PLA2G5: variants seen among roughly 807,000 people sequenced by gnomAD.
PLA2G5 encodes Ca2+-dependent phospholipase A2.
Under a neutral mutation model 15.9 loss-of-function variants are expected in PLA2G5, and 12 were observed. The observed-to-expected ratio is 0.76, with a 90% CI of 0.48 to 1.23. PLA2G5 has a LOEUF of 1.23. PLA2G5 is among the 50% of genes most tolerant of loss of function. The pLI, the probability that PLA2G5 is intolerant of heterozygous loss-of-function variation, is 0.00. For missense variants in PLA2G5, 169 were observed against 177.1 expected (o/e 0.95, Z 0.26); for synonymous variants, 71 against 71.4 (o/e 0.99, Z 0.03).
intron 1 of PLA2G5, among the ~76,000 whole-genome samples, chr1:20,075,756 C>T (rs1026524438): frequency 6.6e-6 from 1 of 152,136 alleles, no homozygotes; most frequent in African/African-American, 2.4e-5. Context: ...TCTATGGGGG[C>T]AGCTACTTCT....
chr1:20,077,495 G>A (rs1019414888), intron 1 of PLA2G5, among the ~76,000 whole-genome samples: 2 of 152,188 alleles, frequency 1.3e-5, no homozygotes, highest in African/African-American at 4.8e-5. Flanking sequence ...CCTACTATGT[G>A]CCAAGTGTTG....
chr1:20,088,147 C>T (rs1427138692), intron 3 of PLA2G5, among the ~76,000 whole-genome samples: 4 of 152,152 alleles, frequency 2.6e-5, no homozygotes, highest in African/African-American at 4.8e-5. Flanking sequence ...GACCTGAGGT[C>T]GGGAGTTTGA....
chr1:20,030,637 C>T (rs977421801), intron 1 of PLA2G5, among the ~76,000 whole-genome samples: 1 of 152,134 alleles, frequency 6.6e-6, no homozygotes, highest in Admixed American at 6.5e-5. Flanking sequence ...TTTCCCTTCC[C>T]ATGAGGCCAT....
chr1:20,070,430 G>A lies in PLA2G5; in HGVS notation c.-46G>A. ...CCCAAGGAAGTTGCTCATGGGAGCA[G>A]ACCTCTAGAGCAGGATTTGAGGCCA... On this transcript the variant is annotated 5_prime_UTR_variant, in exon 1 of 5. Coordinates refer to ENST00000375108, the MANE Select transcript of PLA2G5 (RefSeq NM_000929.3). 2 of 985,500 alleles carry A rather than the reference G, an allele frequency of 2.0e-6. No individual in the cohort carries two copies. Among genetic ancestry groups the A allele is most frequent in the South Asian group, 9.4e-5 (2 of 21,294 alleles). 61.0% of individuals were successfully genotyped at this position (985,500 alleles called of 1,614,324 possible). A position where few individuals can be genotyped will look rare whatever the true frequency, so the allele number is the denominator to read the frequency against.
intron 1 of PLA2G5, among the ~76,000 whole-genome samples, chr1:20,036,786 C>T (rs1208280361): frequency 6.6e-6 from 1 of 152,166 alleles, no homozygotes; most frequent in Non-Finnish European, 1.5e-5. Flanking sequence ...CTGCCTCAGC[C>T]TCTGGAGTAG....
intron 1 of PLA2G5, among the ~76,000 whole-genome samples, chr1:20,080,676 T>C (rs1044775970): frequency 3.9e-5 from 6 of 152,042 alleles, no homozygotes; most frequent in Non-Finnish European, 5.9e-5. Context: ...GCTTCCTGTG[T>C]GACTTACCAG....
At chr1:20,036,995 C>A (rs1159467352) in intron 1 of PLA2G5, among the ~76,000 whole-genome samples, 1 of 152,192 alleles carries the variant, frequency 6.6e-6, no homozygotes, top group Non-Finnish European at 1.5e-5. Context: ...TGGTTTTCAC[C>A]TTTCTCTGGT....
At chr1:20,039,171 G>A (rs946869918) in intron 1 of PLA2G5, among the ~76,000 whole-genome samples, 3 of 152,184 alleles carry the variant, frequency 2.0e-5, no homozygotes, top group African/African-American at 4.8e-5. Context: ...TCTTGTGACC[G>A]GAGGCCTGAA....
chr1:20,068,735 GC>G (rs2015184623), upstream of PLA2G5: 1 of 321,146 alleles, frequency 3.1e-6, no homozygotes, highest in African/African-American at 2.2e-5. Context: ...ACAGGAGTGA[GC>G]CCCCACGCCC....
intron 1 of PLA2G5, among the ~76,000 whole-genome samples, chr1:20,035,924 G>T (rs1229231748): frequency 6.6e-6 from 1 of 152,134 alleles, no homozygotes; most frequent in Non-Finnish European, 1.5e-5. Flanking sequence ...TTCTTGTAGT[G>T]CTGGCTTGGT....
chr1:20,049,808 A>G (rs1361036042), intron 1 of PLA2G5, among the ~76,000 whole-genome samples: 1 of 152,184 alleles, frequency 6.6e-6, no homozygotes, highest in African/African-American at 2.4e-5. Flanking sequence ...AGATGAATAC[A>G]AACCCAAAGT....
intron 1 of PLA2G5, among the ~76,000 whole-genome samples, chr1:20,079,524 T>A (rs909937759): frequency 3.9e-5 from 6 of 152,170 alleles, no homozygotes; most frequent in Non-Finnish European, 8.8e-5. Context: ...ATTTATTCAT[T>A]AATAGAGACA....
chr1:20,033,656 G>GTA (rs2013091089), intron 1 of PLA2G5, among the ~76,000 whole-genome samples: 1 of 152,144 alleles, frequency 6.6e-6, no homozygotes, highest in Non-Finnish European at 1.5e-5. Context: ...AGTTTGTGGG[G>GTA]TGTTGCTGTA....
At chr1:20,067,947 C>A (rs540267969), upstream of PLA2G5, among the ~76,000 whole-genome samples, 3 of 152,114 alleles carry the variant, frequency 2.0e-5, no homozygotes, top group African/African-American at 7.2e-5. Flanking sequence ...GGTGGAACCT[C>A]ATCTCTACTA....
chr1:20,040,713 C>G (rs2013542893), intron 1 of PLA2G5, among the ~76,000 whole-genome samples: 1 of 152,118 alleles, frequency 6.6e-6, no homozygotes, highest in African/African-American at 2.4e-5. Context: ...CTTGAGGCCC[C>G]AAAATCACTA....
At chr1:20,090,247 G>A (rs1435238261) in intron 4 of PLA2G5, among the ~76,000 whole-genome samples, 1 of 152,134 alleles carries the variant, frequency 6.6e-6, no homozygotes, top group Non-Finnish European at 1.5e-5. Context: ...CTAAATCTGG[G>A]GATGGTTCTG....
chr1:20,062,073 T>C (rs1157580305), intron 2 of PLA2G5, among the ~76,000 whole-genome samples: 1 of 152,216 alleles, frequency 6.6e-6, no homozygotes, highest in Non-Finnish European at 1.5e-5. Flanking sequence ...GCCTGCTCCC[T>C]CTCCACCTTC....
At chr1:20,072,379 C>A (rs2015424261) in intron 1 of PLA2G5, among the ~76,000 whole-genome samples, 1 of 151,978 alleles carries the variant, frequency 6.6e-6, no homozygotes, top group Non-Finnish European at 1.5e-5. Flanking sequence ...ATGATACGTG[C>A]TTGCTAAATA....
At chr1:20,037,369 G>C (rs1442188838) in intron 1 of PLA2G5, among the ~76,000 whole-genome samples, 1 of 152,172 alleles carries the variant, frequency 6.6e-6, no homozygotes, top group African/African-American at 2.4e-5. Flanking sequence ...CTGTGGGCTG[G>C]TACTGGGGAA....
Sources: gnomAD v4.1 joint callset for allele counts (sites outside exome capture counted in the v4.1 genomes callset) on GRCh38, gnomAD v4.1.1 for gene constraint, MANE v1.5 for transcripts, NCBI Gene and HGNC (gene_info 2026-07-23, HGNC 2026-07-21) for gene names.